The following KLHL1 variants were observed in gnomAD, a reference collection of about 807,000 sequenced individuals.
The protein encoded by KLHL1 is kelch like family member 1.
KLHL1 carries 47 observed loss-of-function variants against 77.7 expected under a neutral mutation model. The observed-to-expected ratio is 0.60, with a 90% CI of 0.48 to 0.77. The LOEUF (loss-of-function observed/expected upper bound fraction) is 0.77, where lower values mean the gene tolerates loss of function less well. Ranked by LOEUF, KLHL1 falls within the 30% of genes least tolerant of loss-of-function variation. The pLI, the probability that KLHL1 is intolerant of heterozygous loss-of-function variation, is 0.00. For synonymous variants in KLHL1, 360 were observed against 325.2 expected (o/e 1.11, Z -1.15); for missense variants, 925 against 910.8 (o/e 1.02, Z -0.20).
intron 10 of KLHL1, among the ~76,000 whole-genome samples, chr13:69,704,473 G>T (rs1353433537): frequency 6.6e-6 from 1 of 151,452 alleles, no homozygotes; most frequent in Non-Finnish European, 1.5e-5. Flanking sequence ...TTCTTCCTCT[G>T]GCTCTTACCA....
intron 1 of KLHL1, among the ~76,000 whole-genome samples, chr13:70,067,909 C>T (rs1887048751): frequency 6.6e-6 from 1 of 152,074 alleles, no homozygotes; most frequent in Non-Finnish European, 1.5e-5. Flanking sequence ...TGGGAAGCTA[C>T]AATTATCACC....
At chr13:69,719,230 GAGAGAA>G in intron 9 of KLHL1, 133 bp downstream of exon 9, 1 of 615,830 alleles carries the variant, frequency 1.6e-6, no homozygotes. Context: ...GAGAGAGAGA[GAGAGAA>G]AGGAGTTAAA....
intron 5 of KLHL1, among the ~76,000 whole-genome samples, chr13:69,862,088 A>C (rs1880191688): frequency 6.6e-6 from 1 of 151,938 alleles, no homozygotes; most frequent in Admixed American, 6.6e-5. Context: ...AGTACAAAAT[A>C]TTTGAATTAG....
chr13:70,074,214 T>G (rs1290390475), intron 1 of KLHL1, among the ~76,000 whole-genome samples: 1 of 152,088 alleles, frequency 6.6e-6, no homozygotes. Context: ...GGGCCCATTA[T>G]ATCTCCATAG....
chr13:69,719,783 T>C (rs1007475813), intron 8 of KLHL1, among the ~76,000 whole-genome samples: 1 of 151,994 alleles, frequency 6.6e-6, no homozygotes, highest in African/African-American at 2.4e-5. Context: ...AATTGCAGTA[T>C]ACTAGATGAA....
chr13:69,772,671 T>A (rs1013812552), intron 7 of KLHL1, among the ~76,000 whole-genome samples: 2 of 152,182 alleles, frequency 1.3e-5, no homozygotes, highest in Admixed American at 1.3e-4. Flanking sequence ...AATATTTTCT[T>A]ACATCTACCG....
chr13:69,837,993 T>C (rs1879095422), intron 6 of KLHL1, among the ~76,000 whole-genome samples: 1 of 151,622 alleles, frequency 6.6e-6, no homozygotes, highest in Non-Finnish European at 1.5e-5. Flanking sequence ...TGCATTTTCA[T>C]ATTTACAGGA....
chr13:69,882,792 A>C (rs1335643332), intron 4 of KLHL1, among the ~76,000 whole-genome samples: 1 of 152,210 alleles, frequency 6.6e-6, no homozygotes, highest in Non-Finnish European at 1.5e-5. Flanking sequence ...GTGTACTGCT[A>C]TATAAGATTT....
At chr13:69,966,591 TATTTC>T (rs1419842986) in intron 2 of KLHL1, among the ~76,000 whole-genome samples, 3 of 152,200 alleles carry the variant, frequency 2.0e-5, no homozygotes, top group African/African-American at 2.4e-5. Context: ...TTAAAAAGTA[TATTTC>T]ATTTCTTTTC....
intron 5 of KLHL1, among the ~76,000 whole-genome samples, chr13:69,858,959 T>C (rs1364452537): frequency 6.6e-6 from 1 of 152,114 alleles, no homozygotes; most frequent in African/African-American, 2.4e-5. Context: ...TCTCTGTCTA[T>C]ATCTATCTTG....
At chr13:70,027,682 C>T (rs1296768992) in intron 1 of KLHL1, among the ~76,000 whole-genome samples, 3 of 84,476 alleles carry the variant, frequency 3.6e-5, no homozygotes, top group Admixed American at 1.6e-4. Context: ...TGAACAAAAA[C>T]GCTGTTGTTT....
chr13:69,891,819 T>C (rs1881432449), intron 4 of KLHL1, among the ~76,000 whole-genome samples: 1 of 152,056 alleles, frequency 6.6e-6, no homozygotes, highest in Non-Finnish European at 1.5e-5. Flanking sequence ...ACTGGACATA[T>C]ATTGCTCAAA....
intron 1 of KLHL1, among the ~76,000 whole-genome samples, chr13:70,080,771 C>T (rs955859918): frequency 2.0e-5 from 3 of 151,764 alleles, no homozygotes; most frequent in Non-Finnish European, 2.9e-5. Context: ...TAATTTTTGA[C>T]ATTTTTAGTA....
At chr13:69,860,726 T>C (rs1880117623) in intron 5 of KLHL1, among the ~76,000 whole-genome samples, 1 of 149,312 alleles carries the variant, frequency 6.7e-6, no homozygotes, top group African/African-American at 2.5e-5. Context: ...AAAAATATTG[T>C]TCAAAGTTTA....
Position 69,770,165 on chromosome 13 carries a change from C to T in KLHL1, c.1639+26573G>A, listed in dbSNP as rs145949114. On this transcript the variant is annotated intron_variant, in intron 7 of 10. Transcript: ENST00000377844. The stretch of plus-strand genomic sequence containing the variant: ...GCTGGAGTCTCTGAGTTTTTAGGCA[C>T]CACTGCATTCCCCTCAGCCAGATGC... Among the ~76,000 whole-genome samples, 112 of 152,314 alleles carry T rather than the reference C, an allele frequency of 7.4e-4. 1 individual carries two copies. Among genetic ancestry groups the T allele is most frequent in the African/African-American group, 2.6e-3 (110 of 41,582 alleles).
intron 4 of KLHL1, among the ~76,000 whole-genome samples, chr13:69,930,407 C>T (rs2138280422): frequency 6.6e-6 from 1 of 151,886 alleles, no homozygotes; most frequent in South Asian, 2.1e-4. Context: ...TTCAAATGCA[C>T]ACCACATCAT....
At chr13:69,756,430 CTT>C (rs957561664) in intron 7 of KLHL1, among the ~76,000 whole-genome samples, 5 of 152,068 alleles carry the variant, frequency 3.3e-5, no homozygotes, top group African/African-American at 1.2e-4. Context: ...TAACAAAAAA[CTT>C]TGCCCTCCAA....
chr13:69,791,217 A>T (rs537954840), intron 7 of KLHL1, among the ~76,000 whole-genome samples: 1 of 152,252 alleles, frequency 6.6e-6, no homozygotes, highest in South Asian at 2.1e-4. Flanking sequence ...GAAGAAAACA[A>T]TCACATTGAT....
At chr13:69,867,580 A>G (rs1880411238) in intron 5 of KLHL1, among the ~76,000 whole-genome samples, 1 of 152,054 alleles carries the variant, frequency 6.6e-6, no homozygotes, top group Admixed American at 6.6e-5. Flanking sequence ...TTCAGAAAAC[A>G]TATTTTGCCT....
Sources: gnomAD v4.1 joint callset for allele counts (sites outside exome capture counted in the v4.1 genomes callset) on GRCh38, gnomAD v4.1.1 for gene constraint, MANE v1.5 for transcripts, NCBI Gene and HGNC (gene_info 2026-07-23, HGNC 2026-07-21) for gene names.